ALK: variants seen among roughly 807,000 people sequenced by gnomAD.
The protein encoded by ALK is ALK tyrosine kinase receptor.
Under a neutral mutation model 163.1 loss-of-function variants are expected in ALK, and 74 were observed. The ratio of observed to expected loss-of-function variants is 0.45; its 90% CI spans 0.38 to 0.55. The LOEUF is 0.55. ALK is among the 20% of genes least tolerant of loss of function. The probability of loss-of-function intolerance (pLI) is 0.00; values close to 1 mark genes in which losing one functional copy is unlikely to be tolerated. For missense variants in ALK, 2,063 were observed against 2,105.3 expected, an observed-to-expected ratio of 0.98 and a Z score of 0.39; for synonymous variants, 960 against 843.2, an observed-to-expected ratio of 1.14 and a Z score of -2.40.
chr2:29,563,771 T>C (rs531665729), intron 3 of ALK, among the ~76,000 whole-genome samples: 1 of 152,318 alleles, frequency 6.6e-6, no homozygotes, highest in African/African-American at 2.4e-5. Flanking sequence ...ATAGTTTAAC[T>C]CTAAGACAAG....
At chr2:29,417,075 C>A (rs1275671823) in intron 4 of ALK, among the ~76,000 whole-genome samples, 1 of 143,818 alleles carries the variant, frequency 7.0e-6, no homozygotes, top group Non-Finnish European at 1.5e-5. Context: ...GCAAGCTCTG[C>A]CTTCTGGGTT....
chr2:29,869,434 G>A (rs1028122067), intron 1 of ALK, among the ~76,000 whole-genome samples: 3 of 152,090 alleles, frequency 2.0e-5, no homozygotes, highest in African/African-American at 4.8e-5. Flanking sequence ...ACCCCTAACA[G>A]AGATCAGCAG....
At chr2:29,402,290 G>A (rs1669467524) in intron 4 of ALK, among the ~76,000 whole-genome samples, 1 of 152,238 alleles carries the variant, frequency 6.6e-6, no homozygotes, top group Non-Finnish European at 1.5e-5. Flanking sequence ...GGCCTCCTGT[G>A]AGCCTTGCAG....
At chr2:29,617,978 G>A (rs150268329) in intron 3 of ALK, among the ~76,000 whole-genome samples, 68 of 152,320 alleles carry the variant, frequency 4.5e-4, no homozygotes, top group African/African-American at 1.5e-3. Flanking sequence ...ACCTGCCCTT[G>A]CACGATGACT....
At chr2:29,361,229 G>A (rs767009765) in intron 5 of ALK, among the ~76,000 whole-genome samples, 16 of 152,192 alleles carry the variant, frequency 1.1e-4, no homozygotes, top group East Asian at 1.9e-4. Flanking sequence ...GTTAAAGACC[G>A]TCCACATTAT....
chr2:29,194,368 C>T (rs2148139613), intron 28 of ALK, among the ~76,000 whole-genome samples: 1 of 152,182 alleles, frequency 6.6e-6, no homozygotes, highest in African/African-American at 2.4e-5. Flanking sequence ...AGAGGAGACA[C>T]ATGCCATGTT....
intron 8 of ALK, among the ~76,000 whole-genome samples, chr2:29,297,647 A>G (rs974450547): frequency 6.6e-6 from 1 of 152,242 alleles, no homozygotes; most frequent in Non-Finnish European, 1.5e-5. Flanking sequence ...AGATCTTTTA[A>G]TATGGGCATC....
At chr2:29,912,635 A>C (rs1327843893) in intron 1 of ALK, among the ~76,000 whole-genome samples, 1 of 152,044 alleles carries the variant, frequency 6.6e-6, no homozygotes, top group Admixed American at 6.6e-5. Context: ...GATAGCTATA[A>C]AGGACTATTT....
At chr2:29,340,944 T>A (rs532468578) in intron 5 of ALK, among the ~76,000 whole-genome samples, 2 of 152,326 alleles carry the variant, frequency 1.3e-5, no homozygotes, top group African/African-American at 4.8e-5. Flanking sequence ...TTGTTGGTAG[T>A]CTGTCTGCCT....
chr2:29,664,544 T>G (rs945704511), intron 3 of ALK, among the ~76,000 whole-genome samples: 1 of 152,094 alleles, frequency 6.6e-6, no homozygotes, highest in South Asian at 2.1e-4. Context: ...CAGAGCAATC[T>G]TGGCAAAAGA....
intron 3 of ALK, among the ~76,000 whole-genome samples, chr2:29,589,860 G>T (rs571755752): frequency 4.6e-5 from 7 of 152,328 alleles, no homozygotes; most frequent in Non-Finnish European, 7.3e-5. Context: ...AAGGGAGTGG[G>T]TATCCCTGTG....
chr2:29,482,362 A>T (rs1364502287), intron 4 of ALK, among the ~76,000 whole-genome samples: 1 of 152,182 alleles, frequency 6.6e-6, no homozygotes, highest in Non-Finnish European at 1.5e-5. Flanking sequence ...CTGTGTATGA[A>T]AGTGGACTTG....
intron 2 of ALK, 22 bp from the exon 3 acceptor site, chr2:29,695,036 A>G: frequency 6.2e-7 from 1 of 1,613,936 alleles, no homozygotes; most frequent in Non-Finnish European, 8.5e-7. Flanking sequence ...GCCAAGGGTC[A>G]ATGGAAAAAA....
intron 13 of ALK, among the ~76,000 whole-genome samples, chr2:29,237,642 C>A (rs2148187309): frequency 6.6e-6 from 1 of 152,280 alleles, no homozygotes; most frequent in Non-Finnish European, 1.5e-5. Flanking sequence ...TAAGTAGGTA[C>A]TCAATAAATA....
At chr2:29,213,244 T>A (rs776176683) in intron 24 of ALK, among the ~76,000 whole-genome samples, 17 of 152,196 alleles carry the variant, frequency 1.1e-4, no homozygotes, top group Non-Finnish European at 2.5e-4. Flanking sequence ...AGGAAAGACA[T>A]ACATGATATA....
chr2:29,761,534 C>A (rs1479617928), intron 1 of ALK, among the ~76,000 whole-genome samples: 1 of 152,186 alleles, frequency 6.6e-6, no homozygotes, highest in Admixed American at 6.5e-5. Context: ...CCTTTAAAAG[C>A]ACAAAGGAAG....
intron 19 of ALK, 71 bp from the exon 20 acceptor site, chr2:29,223,599 T>C (rs2148171442): frequency 6.6e-7 from 1 of 1,507,884 alleles, no homozygotes; most frequent in Non-Finnish European, 9.1e-7. Context: ...GGCCACTTCC[T>C]ACAGGAAGCC....
At chr2:29,741,098 C>A (rs958068092) in intron 1 of ALK, among the ~76,000 whole-genome samples, 2 of 152,176 alleles carry the variant, frequency 1.3e-5, no homozygotes, top group African/African-American at 4.8e-5. Context: ...AGATGCCAAT[C>A]TGAAAGGACT....
chr2:29,919,995 G>A lies in ALK; in HGVS notation c.665C>T (p.Thr222Ile), dbSNP rs2148442788. 1 of 1,613,722 alleles carries A rather than the reference G, an allele frequency of 6.2e-7. No individual in the cohort carries two copies. Among genetic ancestry groups the A allele is most frequent in the Non-Finnish European group, 8.5e-7 (1 of 1,179,754 alleles). The stretch of plus-strand genomic sequence containing the variant: ...ACACTCAGGCGGGAGCTGCTCACCA[G>A]TCCCGAAGATCTGGAAGAGAAGGCG... ...QPRLLFQIFG[T>I]GHSSLESPTN... is the part of the protein sequence containing the mutation. The change falls in exon 1 of 29, where the codon ACT becomes ATT. Residue 222 changes from threonine (T) to isoleucine (I), a missense_variant and splice_region_variant. Coordinates refer to ENST00000389048, the MANE Select transcript of ALK (RefSeq NM_004304.5).
Sources: allele counts gnomAD v4.1 joint callset (sites outside exome capture counted in the v4.1 genomes callset), GRCh38; gene constraint gnomAD v4.1.1; transcripts MANE v1.5; gene names NCBI Gene and HGNC (gene_info 2026-07-23, HGNC 2026-07-21).